KLHL1: variants seen among roughly 807,000 people sequenced by gnomAD.
KLHL1 encodes kelch like family member 1, also known as kelch-like protein 1.
KLHL1 carries 47 observed loss-of-function variants against 77.7 expected under a neutral mutation model. The ratio of observed to expected loss-of-function variants is 0.60; its 90% CI spans 0.48 to 0.77. The LOEUF (loss-of-function observed/expected upper bound fraction) is 0.77, where lower values mean the gene tolerates loss of function less well. Ranked by LOEUF, KLHL1 falls within the 30% of genes least tolerant of loss-of-function variation. KLHL1 has a pLI of 0.00. For synonymous variants in KLHL1, 360 were observed against 325.2 expected, an observed-to-expected ratio of 1.11 and a Z score of -1.15; for missense variants, 925 against 910.8, an observed-to-expected ratio of 1.02 and a Z score of -0.20.
chr13:69,982,769 CA>C (rs1407100989), intron 1 of KLHL1, among the ~76,000 whole-genome samples: 1 of 151,312 alleles, frequency 6.6e-6, no homozygotes, highest in Non-Finnish European at 1.5e-5. Context: ...GACTTTAAGA[CA>C]AAAAGGAAGA....
intron 2 of KLHL1, among the ~76,000 whole-genome samples, chr13:69,962,905 G>A (rs1025360751): frequency 6.6e-6 from 1 of 151,822 alleles, no homozygotes; most frequent in African/African-American, 2.4e-5. Context: ...ATTTACATTC[G>A]GCTATTTTGA....
chr13:70,000,565 T>G (rs921585813), intron 1 of KLHL1, among the ~76,000 whole-genome samples: 7 of 151,906 alleles, frequency 4.6e-5, no homozygotes, highest in Non-Finnish European at 1.0e-4. Context: ...ACAAACTACC[T>G]TACATTACAT....
Position 70,108,193 on chromosome 13 carries a change from G to A in KLHL1, c.-494C>T, listed in dbSNP as rs929622124. ...GCTCAGAGTTCAGTGTCTGGAGAGC[G>A]CAGAGAGAAAGAGCCCCAAGTCTCG... is the stretch of plus-strand genomic sequence containing the variant. On this transcript the variant is annotated 5_prime_UTR_variant, in exon 1 of 11. Transcript: ENST00000377844. The A allele has an allele frequency of 1.8e-5, 7 of 396,274 alleles. No homozygotes were observed. Among genetic ancestry groups the A allele is most frequent in the East Asian group, 3.6e-5 (1 of 27,874 alleles). 24.5% of individuals were successfully genotyped at this position (396,274 alleles called of 1,614,324 possible).
chr13:69,780,479 A>G (rs1876084310), intron 7 of KLHL1, among the ~76,000 whole-genome samples: 1 of 151,846 alleles, frequency 6.6e-6, no homozygotes, highest in Admixed American at 6.6e-5. Flanking sequence ...TGTCTGCACT[A>G]AAACAAGTAC....
intron 5 of KLHL1, among the ~76,000 whole-genome samples, chr13:69,881,678 C>T (rs189689292): frequency 6.6e-6 from 1 of 152,280 alleles, no homozygotes; most frequent in Admixed American, 6.5e-5. Context: ...ATTAATTTTT[C>T]TGTACCCTAC....
At chr13:69,782,569 AT>A (rs1321918085) in intron 7 of KLHL1, among the ~76,000 whole-genome samples, 2 of 152,144 alleles carry the variant, frequency 1.3e-5, no homozygotes, top group East Asian at 3.9e-4. Context: ...GATTGCTAGC[AT>A]AGGAGTCTGA....
intron 1 of KLHL1, among the ~76,000 whole-genome samples, chr13:70,068,542 A>G (rs796480072): frequency 2.4e-4 from 36 of 152,324 alleles, no homozygotes; most frequent in African/African-American, 8.2e-4. Flanking sequence ...TACCTCAGCT[A>G]CAATGAACTT....
intron 4 of KLHL1, among the ~76,000 whole-genome samples, chr13:69,907,230 T>G (rs575534781): frequency 1.8e-4 from 28 of 152,090 alleles, no homozygotes; most frequent in African/African-American, 6.3e-4. Flanking sequence ...TTAGGCGTAT[T>G]AAATAAATAT....
intron 4 of KLHL1, among the ~76,000 whole-genome samples, chr13:69,903,538 A>T (rs371711410): frequency 1.4e-5 from 2 of 147,744 alleles, no homozygotes; most frequent in South Asian, 2.2e-4. Flanking sequence ...ACTTTCTTTT[A>T]TACCAGAGGG....
At chr13:69,930,681 A>T (rs1882971845) in intron 4 of KLHL1, among the ~76,000 whole-genome samples, 1 of 151,806 alleles carries the variant, frequency 6.6e-6, no homozygotes, top group Admixed American at 6.6e-5. Context: ...TTCTGTATCA[A>T]ATTTATAAAA....
chr13:69,914,381 C>A (rs1047735512), intron 4 of KLHL1, among the ~76,000 whole-genome samples: 1 of 151,936 alleles, frequency 6.6e-6, no homozygotes, highest in Non-Finnish European at 1.5e-5. Flanking sequence ...TCCATGGATC[C>A]ATTTGTCTCC....
At chr13:69,740,110 CT>C (rs1415280836) in intron 8 of KLHL1, among the ~76,000 whole-genome samples, 1 of 152,048 alleles carries the variant, frequency 6.6e-6, no homozygotes, top group Non-Finnish European at 1.5e-5. Flanking sequence ...GAACACCAAA[CT>C]TTTAGTAGTT....
intron 7 of KLHL1, among the ~76,000 whole-genome samples, chr13:69,788,565 G>T (rs1876687868): frequency 6.6e-6 from 1 of 152,144 alleles, no homozygotes; most frequent in African/African-American, 2.4e-5. Context: ...AATGCTAAAT[G>T]ATGAGTTAAT....
chr13:69,862,780 G>C (rs1475008173), intron 5 of KLHL1, among the ~76,000 whole-genome samples: 1 of 152,070 alleles, frequency 6.6e-6, no homozygotes, highest in African/African-American at 2.4e-5. Context: ...GAAAGGCCAT[G>C]TGAGAACACA....
intron 4 of KLHL1, among the ~76,000 whole-genome samples, chr13:69,889,171 C>T (rs1406405366): frequency 6.6e-6 from 1 of 152,034 alleles, no homozygotes; most frequent in South Asian, 2.1e-4. Context: ...TGTTGTTGCA[C>T]TGACATATTG....
chr13:70,101,270 CTT>C (rs1887914071), intron 1 of KLHL1, among the ~76,000 whole-genome samples: 1 of 59,994 alleles, frequency 1.7e-5, no homozygotes, highest in Admixed American at 1.5e-4. Flanking sequence ...CAATATTGTC[CTT>C]CAACTAGCAT....
intron 4 of KLHL1, among the ~76,000 whole-genome samples, chr13:69,895,364 C>T (rs1881594373): frequency 6.6e-6 from 1 of 152,136 alleles, no homozygotes; most frequent in Non-Finnish European, 1.5e-5. Context: ...TTTGACCCAT[C>T]TTGCCTTGGC....
intron 1 of KLHL1, among the ~76,000 whole-genome samples, chr13:70,070,897 A>AT (rs993570990): frequency 9.9e-5 from 15 of 151,742 alleles, no homozygotes; most frequent in Admixed American, 2.6e-4. Flanking sequence ...TAGGGAAACC[A>AT]TTTTTTTTAA....
At chr13:69,961,472 G>T (rs781616389) in intron 2 of KLHL1, 28 bp from the exon 3 acceptor site, 1 of 1,611,172 alleles carries the variant, frequency 6.2e-7, no homozygotes, top group South Asian at 1.1e-5. Flanking sequence ...TCTAATTTAG[G>T]TCGTGAATGT....
Sources: gnomAD v4.1 joint callset for allele counts (sites outside exome capture counted in the v4.1 genomes callset) on GRCh38, gnomAD v4.1.1 for gene constraint, MANE v1.5 for transcripts, NCBI Gene and HGNC (gene_info 2026-07-23, HGNC 2026-07-21) for gene names.